The following FBXO4 variants were observed in gnomAD, a reference collection of about 807,000 sequenced individuals.
FBXO4 encodes the protein F-box only protein 4.
A neutral mutation model predicts 43.7 loss-of-function variants in FBXO4; 36 were observed. The observed-to-expected ratio is 0.82, with a 90% CI of 0.63 to 1.09. FBXO4 has a LOEUF of 1.09. FBXO4 is among the 50% of genes least tolerant of loss of function. FBXO4 has a pLI of 0.00. For missense variants in FBXO4, 435 were observed against 474.1 expected, an observed-to-expected ratio of 0.92 and a Z score of 0.77; for synonymous variants, 180 against 165.6, an observed-to-expected ratio of 1.09 and a Z score of -0.67.
At chr5:41,987,624 G>A in the FBXO4 span, among the ~76,000 whole-genome samples, 2 of 152,178 alleles carry the variant, frequency 1.3e-5, no homozygotes, top group Non-Finnish European at 2.9e-5. Flanking sequence ...CAGCATGAAT[G>A]TGTTGAAAAC....
At chr5:42,019,236 A>C in the FBXO4 span, among the ~76,000 whole-genome samples, 1 of 152,202 alleles carries the variant, frequency 6.6e-6, no homozygotes, top group Non-Finnish European at 1.5e-5. Context: ...TATAAAATAC[A>C]TACTGAATTT....
the FBXO4 span, among the ~76,000 whole-genome samples, chr5:41,948,788 T>C: frequency 1.3e-5 from 2 of 152,202 alleles, no homozygotes; most frequent in Non-Finnish European, 2.9e-5. Context: ...GAATGCTTCA[T>C]TTATATTCCT....
downstream of FBXO4, among the ~76,000 whole-genome samples, chr5:41,945,716 A>C (rs1055213863): frequency 1.3e-5 from 2 of 152,184 alleles, no homozygotes; most frequent in Non-Finnish European, 2.9e-5. Flanking sequence ...CCATATGGAT[A>C]AGATAGGGCT....
chr5:41,963,592 C>T, the FBXO4 span, among the ~76,000 whole-genome samples: 1 of 151,922 alleles, frequency 6.6e-6, no homozygotes, highest in Non-Finnish European at 1.5e-5. Flanking sequence ...TGTATTCTTA[C>T]AATTAAAAAA....
At chr5:41,953,592 A>C in the FBXO4 span, among the ~76,000 whole-genome samples, 1 of 150,412 alleles carries the variant, frequency 6.6e-6, no homozygotes, top group East Asian at 2.0e-4. Context: ...ACAATGGTTG[A>C]ACTAGTTTAC....
intron 2 of FBXO4, among the ~76,000 whole-genome samples, 164 bp downstream of exon 2, chr5:41,927,412 T>G (rs1386786111): frequency 6.6e-6 from 1 of 152,252 alleles, no homozygotes; most frequent in Non-Finnish European, 1.5e-5. Context: ...CATAGGACCC[T>G]TTCAGCTTTA....
At chr5:42,031,880 C>T in the FBXO4 span, among the ~76,000 whole-genome samples, 1 of 151,910 alleles carries the variant, frequency 6.6e-6, no homozygotes, top group African/African-American at 2.4e-5. Context: ...TAACCTGTAT[C>T]TGCATTAGGA....
At chr5:41,989,424 T>C in the FBXO4 span, among the ~76,000 whole-genome samples, 1 of 152,106 alleles carries the variant, frequency 6.6e-6, no homozygotes, top group African/African-American at 2.4e-5. Context: ...AAATAATAAA[T>C]ATATTCCGTT....
the FBXO4 span, among the ~76,000 whole-genome samples, chr5:42,027,363 T>A: frequency 1.3e-5 from 2 of 151,924 alleles, no homozygotes; most frequent in Non-Finnish European, 2.9e-5. Context: ...TCTCTACTGA[T>A]CCTTTGAATT....
the FBXO4 span, among the ~76,000 whole-genome samples, chr5:42,029,826 T>G: frequency 6.6e-6 from 1 of 152,036 alleles, no homozygotes; most frequent in Non-Finnish European, 1.5e-5. Flanking sequence ...TTAATCTCTT[T>G]GTTAAATTTA....
the FBXO4 span, among the ~76,000 whole-genome samples, chr5:42,021,222 C>T: frequency 1.3e-5 from 2 of 152,070 alleles, no homozygotes; most frequent in Non-Finnish European, 2.9e-5. Flanking sequence ...GTTAACTGTT[C>T]CAGTTGTTCA....
At chr5:41,976,744 A>G in the FBXO4 span, among the ~76,000 whole-genome samples, 1 of 152,166 alleles carries the variant, frequency 6.6e-6, no homozygotes, top group Non-Finnish European at 1.5e-5. Flanking sequence ...CAAGCTGCCC[A>G]TGACTAACAT....
chr5:41,986,517 A>G, the FBXO4 span, among the ~76,000 whole-genome samples: 1 of 152,184 alleles, frequency 6.6e-6, no homozygotes, highest in Admixed American at 6.5e-5. Context: ...TCTGAAACAT[A>G]ATTGAATTTC....
the FBXO4 span, among the ~76,000 whole-genome samples, chr5:42,032,877 C>G: frequency 6.6e-6 from 1 of 152,166 alleles, no homozygotes; most frequent in Non-Finnish European, 1.5e-5. Context: ...GAGGCTCACC[C>G]AAAGCCCTCA....
At chr5:41,936,055 A>C (rs756657754) in intron 5 of FBXO4, among the ~76,000 whole-genome samples, 2 of 152,248 alleles carry the variant, frequency 1.3e-5, no homozygotes, top group Non-Finnish European at 2.9e-5. Flanking sequence ...CCGAAGTATG[A>C]TGCCTGTTTT....
At chr5:42,020,798 C>G in the FBXO4 span, among the ~76,000 whole-genome samples, 2 of 152,166 alleles carry the variant, frequency 1.3e-5, no homozygotes. Context: ...AAGCCTTTAT[C>G]TTTCCAATAC....
chr5:42,016,899 G>T, the FBXO4 span, among the ~76,000 whole-genome samples: 13 of 151,980 alleles, frequency 8.6e-5, no homozygotes, highest in Admixed American at 2.0e-4. Context: ...TGAAATAAAA[G>T]ACTTTATATT....
At chr5:42,013,950 T>C in the FBXO4 span, among the ~76,000 whole-genome samples, 1 of 152,182 alleles carries the variant, frequency 6.6e-6, no homozygotes, top group Non-Finnish European at 1.5e-5. Flanking sequence ...TGAAAGATCA[T>C]ATGCTCCATG....
the FBXO4 span, among the ~76,000 whole-genome samples, chr5:42,015,672 G>C: frequency 6.6e-6 from 1 of 151,990 alleles, no homozygotes; most frequent in African/African-American, 2.4e-5. Flanking sequence ...CTGCTCTGGT[G>C]GGGGAATGGT....
Sources: gnomAD v4.1 joint callset for allele counts (sites outside exome capture counted in the v4.1 genomes callset) on GRCh38, gnomAD v4.1.1 for gene constraint, MANE v1.5 for transcripts, NCBI Gene and HGNC (gene_info 2026-07-23, HGNC 2026-07-21) for gene names.